The following TMEM276 variants were observed in gnomAD, a reference collection of about 807,000 sequenced individuals.
The protein encoded by TMEM276 is transmembrane protein 276.
the TMEM276 span, chr8:144,464,721 C>A: frequency 3.2e-6 from 5 of 1,563,462 alleles, no homozygotes; most frequent in African/African-American, 2.7e-5. Context: ...GACGCACTTC[C>A]CACCAACCTC....
At chr8:144,464,198 G>A in the TMEM276 span, 3 of 1,613,126 alleles carry the variant, frequency 1.9e-6, no homozygotes, top group Non-Finnish European at 2.5e-6. Context: ...AAGGCCCAGC[G>A]ACAGACATCC....
At chr8:144,464,887 C>A in the TMEM276 span, 1 of 1,612,120 alleles carries the variant, frequency 6.2e-7, no homozygotes, top group Non-Finnish European at 8.5e-7. Flanking sequence ...ACTCGGCCCC[C>A]GGCTTGGGGG....
At chr8:144,463,883 G>C in the TMEM276 span, 5 of 1,386,416 alleles carry the variant, frequency 3.6e-6, no homozygotes, top group South Asian at 8.9e-5. Flanking sequence ...ATCCACAACC[G>C]TGTCCAGCCC....
the TMEM276 span, chr8:144,465,082 G>T: frequency 6.5e-7 from 1 of 1,527,756 alleles, no homozygotes; most frequent in Non-Finnish European, 8.8e-7. Context: ...GGATCCCTGA[G>T]GCCACTGCAC....
At chr8:144,466,773 C>G in the TMEM276 span, 1 of 1,532,576 alleles carries the variant, frequency 6.5e-7, no homozygotes. Context: ...GCCCGCAAGC[C>G]CCGGGGTCGC....
the TMEM276 span, chr8:144,465,686 TGATGAGGGGAGAAGGGCC>T: frequency 1.6e-5 from 1 of 62,808 alleles, no homozygotes; most frequent in Non-Finnish European, 3.0e-5. Context: ...GGAAGGAGCG[TGATGAGGGGAGAAGGGCC>T]GGGGCGGGGC....
Sources: allele counts gnomAD v4.1 joint callset, GRCh38; gene constraint gnomAD v4.1.1; transcripts MANE v1.5; gene names NCBI Gene and HGNC (gene_info 2026-07-23, HGNC 2026-07-21).